Variants in TRPM1 observed in about 807,000 individuals in gnomAD.
TRPM1 encodes the protein TRPM1-203 APA Isoform, Intron 10.
TRPM1 carries 113 observed loss-of-function variants against 149.4 expected under a neutral mutation model. That is an observed-to-expected ratio of 0.76 (90% CI 0.65 to 0.88). The LOEUF (loss-of-function observed/expected upper bound fraction) is 0.88. TRPM1 is among the 40% of genes least tolerant of loss of function. The pLI is 0.00. For synonymous variants in TRPM1, 741 were observed against 759.5 expected (o/e 0.98, Z 0.40); for missense variants, 1,976 against 2,038.7 (o/e 0.97, Z 0.59).
At chr15:31,088,844 G>C (rs149179319) in intron 1 of TRPM1, among the ~76,000 whole-genome samples, 1 of 145,904 alleles carries the variant, frequency 6.9e-6, no homozygotes. Flanking sequence ...GGGGCGATGC[G>C]ATAAGCCCTG....
intron 1 of TRPM1, among the ~76,000 whole-genome samples, chr15:31,138,572 A>G (rs990712250): frequency 5.9e-5 from 9 of 152,152 alleles, no homozygotes; most frequent in East Asian, 1.9e-4. Context: ...AGTTGAAAAG[A>G]CCAGGCTGAG....
chr15:31,055,153 C>T (rs1229361176), intron 11 of TRPM1, among the ~76,000 whole-genome samples: 1 of 152,198 alleles, frequency 6.6e-6, no homozygotes, highest in East Asian at 1.9e-4. Context: ...CAGGCACATC[C>T]TTTCTTGAGT....
At chr15:31,113,213 G>A (rs1036529195) in intron 1 of TRPM1, among the ~76,000 whole-genome samples, 3 of 152,104 alleles carry the variant, frequency 2.0e-5, no homozygotes, top group Admixed American at 6.5e-5. Flanking sequence ...TAACTCACAG[G>A]AGTGAATCTC....
At chr15:31,089,939 G>T (rs951612970) in intron 1 of TRPM1, among the ~76,000 whole-genome samples, 2 of 152,280 alleles carry the variant, frequency 1.3e-5, no homozygotes, top group South Asian at 2.1e-4. Context: ...GTGTGGGGGT[G>T]GGAAGTGACT....
chr15:31,068,408 G>A (rs2034441339), intron 4 of TRPM1, among the ~76,000 whole-genome samples: 1 of 152,152 alleles, frequency 6.6e-6, no homozygotes, highest in South Asian at 2.1e-4. Flanking sequence ...ATTACGTCAT[G>A]AGCATGGATC....
chr15:31,088,881 CG>C (rs2035110230), intron 1 of TRPM1, among the ~76,000 whole-genome samples: 1 of 146,144 alleles, frequency 6.8e-6, no homozygotes, highest in Non-Finnish European at 1.5e-5. Flanking sequence ...TTGGCCCCCC[CG>C]AGCGGGAGAT....
At chr15:31,046,382 A>G in intron 15 of TRPM1, 149 bp from the exon 16 acceptor site, 1 of 785,668 alleles carries the variant, frequency 1.3e-6, no homozygotes, top group Non-Finnish European at 2.1e-6. Flanking sequence ...CAAGGAAAAG[A>G]AGTGCTTTAA....
At position 31,132,524 on chromosome 15, in the gene TRPM1, A is replaced by G. The variant is rs2036030463; in HGVS notation, c.54+28382T>C. The stretch of plus-strand genomic sequence containing the variant: ...TTTGTCGCTGTGATAACGCATATGA[A>G]AAAGTATATTTGCTTCAGAGGACGT... On this transcript the variant is annotated intron_variant, in intron 1 of 26. Transcript: ENST00000542188. Among the ~76,000 whole-genome samples the G allele has an allele frequency of 2.0e-5, 3 of 152,204 alleles. No homozygotes were observed. In the South Asian group the frequency reaches 6.2e-4, roughly 31 times the overall value.
intron 1 of TRPM1, among the ~76,000 whole-genome samples, chr15:31,099,243 G>A (rs2035461968): frequency 6.6e-6 from 1 of 152,072 alleles, no homozygotes; most frequent in African/African-American, 2.4e-5. Context: ...TATCACTGAG[G>A]GCAACATGTC....
intron 1 of TRPM1, among the ~76,000 whole-genome samples, chr15:31,107,351 C>G (rs1217894646): frequency 6.6e-6 from 1 of 152,152 alleles, no homozygotes; most frequent in Non-Finnish European, 1.5e-5. Flanking sequence ...TCCAGTTATT[C>G]ATGGTATTCC....
chr15:31,061,362 T>A, intron 10 of TRPM1, 80 bp downstream of exon 10: 1 of 1,405,500 alleles, frequency 7.1e-7, no homozygotes, highest in Middle Eastern at 2.2e-4. Context: ...GCAGACATAG[T>A]CCATGGGAGG....
At chr15:31,100,409 C>G (rs1349150538) in intron 1 of TRPM1, among the ~76,000 whole-genome samples, 2 of 152,170 alleles carry the variant, frequency 1.3e-5, no homozygotes, top group Non-Finnish European at 2.9e-5. Flanking sequence ...ACCTCCCCCA[C>G]TACTTTTGCT....
At chr15:31,048,670 G>A (rs74914426) in intron 13 of TRPM1, among the ~76,000 whole-genome samples, 100 of 152,136 alleles carry the variant, frequency 6.6e-4, no homozygotes, top group African/African-American at 2.3e-3. Context: ...AAATTAGCTG[G>A]GTGTGGTGGT....
At chr15:31,059,135 G>C (rs974551244) in intron 11 of TRPM1, among the ~76,000 whole-genome samples, 8 of 152,148 alleles carry the variant, frequency 5.3e-5, no homozygotes, top group Non-Finnish European at 1.5e-5. Context: ...AGGAGGAACA[G>C]GGGCAGTGGA....
At chr15:31,156,903 T>G (rs1337762300) in intron 1 of TRPM1, among the ~76,000 whole-genome samples, 1 of 151,636 alleles carries the variant, frequency 6.6e-6, no homozygotes, top group Non-Finnish European at 1.5e-5. Flanking sequence ...TGTTTTAGAT[T>G]TTTCTATAAA....
At chr15:31,036,644 A>G (rs1009225138) in intron 20 of TRPM1, among the ~76,000 whole-genome samples, 22 of 152,190 alleles carry the variant, frequency 1.4e-4, no homozygotes, top group African/African-American at 5.1e-4. Context: ...GTGAGACCCA[A>G]GGCTGAGAGG....
chr15:31,112,872 A>C (rs1203491910), intron 1 of TRPM1, among the ~76,000 whole-genome samples: 1 of 152,220 alleles, frequency 6.6e-6, no homozygotes, highest in East Asian at 1.9e-4. Flanking sequence ...CTTGTAACCC[A>C]GCATTCCTCA....
intron 1 of TRPM1, among the ~76,000 whole-genome samples, chr15:31,126,967 A>AAAACAAAC (rs71420550): frequency 0.28 from 42,695 of 150,556 alleles, 6,353 homozygotes; most frequent in Non-Finnish European, 0.32. Context: ...ATCCTGTCTC[A>AAAACAAAC]AAACAAACAA....
chr15:31,069,606 G>A lies in TRPM1; in HGVS notation c.279+425C>T, dbSNP rs572851434. The stretch of plus-strand genomic sequence containing the variant: ...AATGTGAGGGACCTTGGTCCTTCTC[G>A]GGCCAGCTGAGCGCAGGCCCAGGGA... On this transcript the variant is annotated intron_variant, in intron 4 of 27. Coordinates refer to ENST00000256552, the MANE Select transcript of TRPM1 (RefSeq NM_001252024.2). The A allele has an allele frequency of 1.3e-4, 169 of 1,281,282 alleles. 1 individual carries two copies. The African/African-American group carries it at 2.3e-3, about 17-fold the overall frequency. 79.4% of individuals were successfully genotyped at this position (1,281,282 alleles called of 1,614,324 possible). A position where few individuals can be genotyped will look rare whatever the true frequency, so the allele number is the denominator to read the frequency against.
Sources: allele counts gnomAD v4.1 joint callset (sites outside exome capture counted in the v4.1 genomes callset), GRCh38; gene constraint gnomAD v4.1.1; transcripts MANE v1.5; gene names NCBI Gene and HGNC (gene_info 2026-07-23, HGNC 2026-07-21).